The following FCHSD1 variants were observed in gnomAD, a reference collection of about 807,000 sequenced individuals.
FCHSD1 encodes F-BAR and double SH3 domains protein 1.
Under a neutral mutation model 101.3 loss-of-function variants are expected in FCHSD1, and 109 were observed. That is an observed-to-expected ratio of 1.08 (90% CI 0.92 to 1.26). The LOEUF (loss-of-function observed/expected upper bound fraction) is 1.26, where lower values mean the gene tolerates loss of function less well. Ranked by LOEUF, FCHSD1 falls within the 50% of genes most tolerant of loss-of-function variation. FCHSD1 has a pLI of 0.00. For synonymous variants in FCHSD1, 291 were observed against 356.8 expected, an observed-to-expected ratio of 0.82 and a Z score of 2.08; for missense variants, 820 against 895.8, an observed-to-expected ratio of 0.92 and a Z score of 1.08.
At chr5:141,646,368 A>C in intron 11 of FCHSD1, 177 bp from the exon 12 acceptor site, 1 of 911,594 alleles carries the variant, frequency 1.1e-6, no homozygotes, top group Non-Finnish European at 1.7e-6. Flanking sequence ...AGAGAGGTTA[A>C]GTCACTCCCT....
Position 141,649,654 on chromosome 5 carries a change from G to A in FCHSD1, c.234-118C>T. 7.3e-7 allele frequency: 1 copy of A among 1,373,668 alleles called. No homozygotes were observed. Among genetic ancestry groups the A allele is most frequent in the Non-Finnish European group, 9.7e-7 (1 of 1,029,572 alleles). 85.1% of individuals were successfully genotyped at this position (1,373,668 alleles called of 1,614,324 possible). ...ACAGAGTGCTTTCCCATCCTCCCTT[G>A]TCTGGGAGCCCATCAATCGATCAGC... On this transcript the variant is annotated intron_variant, in intron 4 of 19. Coordinates refer to ENST00000435817, the MANE Select transcript of FCHSD1 (RefSeq NM_033449.3). This position sits in a 1 kb window ranked among gnomAD's most constrained non-coding sequence, Gnocchi z 4.1.
At chr5:141,650,320 G>T (rs776746563) in intron 3 of FCHSD1, 39 bp downstream of exon 3, 3 of 1,612,462 alleles carry the variant, frequency 1.9e-6, no homozygotes, top group South Asian at 1.1e-5. Context: ...TATAAGAGAG[G>T]CTGGAACAAG....
chr5:141,639,724 G>C lies in FCHSD1; in HGVS notation c.*1774C>G, dbSNP rs755843926. ...ATCAGGCACCTGATCCCAAAAGTGG[G>C]CCTTGGCTCTTTCCTCCTGGACTGG... On this transcript the variant is annotated 3_prime_UTR_variant, in exon 20 of 20. Transcript: ENST00000435817. This position sits in a 1 kb window ranked among gnomAD's most constrained non-coding sequence, Gnocchi z 4.4. 1 of 1,450,658 alleles carries C rather than the reference G, an allele frequency of 6.9e-7. No homozygotes were observed. The highest frequency in any genetic ancestry group is 9.4e-7 in the Non-Finnish European group (1 of 1,065,078). The allele number at this position is 1,450,658 out of a possible 1,614,324, so 89.9% of individuals were successfully genotyped here.
In FCHSD1 at chr5:141,646,630, GTCACGGGCAGC is replaced by G; in HGVS notation, c.1006_1016del (p.Ala336LeufsTer78). The G allele has an allele frequency of 6.2e-7, 1 of 1,613,206 alleles. No individual in the cohort carries two copies. The highest frequency in any genetic ancestry group is 8.5e-7 in the Non-Finnish European group (1 of 1,179,676). ...GATGCCCATGGTTCTGGATCTTGTA[GTCACGGGCAGC>G]TCGGCTGGTCAAGCGCTGAACCTCT... On this transcript the variant is annotated frameshift_variant, in exon 11 of 20. Transcript: ENST00000435817. LOFTEE classifies it high-confidence loss of function.
Position 141,640,598 on chromosome 5 carries a change from C to G in FCHSD1, c.*900G>C. 6.5e-7 allele frequency: 1 copy of G among 1,544,064 alleles called. No homozygotes were observed. The highest frequency in any genetic ancestry group is 1.2e-5 in the South Asian group (1 of 83,884). On this transcript the variant is annotated 3_prime_UTR_variant, in exon 20 of 20. Coordinates refer to ENST00000435817, the MANE Select transcript of FCHSD1 (RefSeq NM_033449.3). Reference sequence around the variant, plus strand: ...GTTTGGTGGTGGAGGTAGGGAAGGTCCTGGAGCCCCAGGGGAAAAGCTGGA... The same window carrying G: ...GTTTGGTGGTGGAGGTAGGGAAGGTGCTGGAGCCCCAGGGGAAAAGCTGGA...
rs1310422583 is a variant in FCHSD1, at chr5:141,649,078, A to G, written c.513-58T>C. The G allele has an allele frequency of 1.9e-6, 3 of 1,613,818 alleles. No homozygotes were observed. Among genetic ancestry groups the G allele is most frequent in the Non-Finnish European group, 1.7e-6 (2 of 1,179,830 alleles). On this transcript the variant is annotated intron_variant, in intron 6 of 19. Transcript: ENST00000435817. This position sits in a 1 kb window ranked among gnomAD's most constrained non-coding sequence, Gnocchi z 4.1. ...CCCAAGTGGGAGAATATGAGATCAG[A>G]GTCAGGCCCAGCTTTGGTGACTTGG...
Position 141,645,830 on chromosome 5 carries a change from C to T in FCHSD1, c.1252G>A (p.Val418Met). The change falls in exon 13 of 20, where the codon GTG becomes ATG. Residue 418 changes from valine to methionine, a missense_variant. Val to Met is a conservative substitution (Grantham distance 21). Transcript: ENST00000435817. ...KPAMTQAQDE[V>M]EQERRLSEAR... The stretch of plus-strand genomic sequence containing the variant: ...TCACTGAGCCGCCGCTCCTGCTCCA[C>T]CTCATCCTGGGCCTGGGTCATGGCT... The T allele has an allele frequency of 6.2e-7, 1 of 1,609,166 alleles. No homozygotes were observed. Among genetic ancestry groups the T allele is most frequent in the Non-Finnish European group, 8.5e-7 (1 of 1,177,796 alleles).
intron 2 of FCHSD1, among the ~76,000 whole-genome samples, chr5:141,650,723 A>G (rs1327923650): frequency 6.6e-5 from 10 of 151,682 alleles, no homozygotes; most frequent in Admixed American, 6.6e-4. Context: ...ACAGGTCTGG[A>G]AGAGGGAGAG....
Position 141,645,336 on chromosome 5 carries a change from A to C in FCHSD1, c.1312-188T>G, listed in dbSNP as rs189224579. Among the ~76,000 whole-genome samples, 23 of 152,326 alleles carry C rather than the reference A, an allele frequency of 1.5e-4. No individual in the cohort carries two copies. In the Middle Eastern group the frequency reaches 0.014, roughly 90 times the overall value. On this transcript the variant is annotated intron_variant, in intron 13 of 19. Coordinates refer to ENST00000435817, the MANE Select transcript of FCHSD1 (RefSeq NM_033449.3). ...TACTAACAGTAATAGAGTTACAGTAATTGAGTGCATACTATGTGCCAGGTA... is the reference window on the plus strand; with the variant it reads ...TACTAACAGTAATAGAGTTACAGTACTTGAGTGCATACTATGTGCCAGGTA...
chr5:141,649,474 G>C lies in FCHSD1; in HGVS notation c.296C>G (p.Thr99Ser). ...GTATCGGTCAGACGCCTGGAGTCGG[G>C]TTTGGCCCCCAGCCACGGTGGCATC... is the stretch of plus-strand genomic sequence containing the variant. ...LLDATVAGGQ[T>S]RLQASDRYRD... is the part of the protein sequence containing the mutation. Residue 99 changes from threonine (T) to serine (S), a missense_variant, in exon 5 of 20, where the codon ACC becomes AGC. Physicochemically the swap from Thr to Ser is moderately conservative, Grantham distance 58. Transcript: ENST00000435817. This position sits in a 1 kb window ranked among gnomAD's most constrained non-coding sequence, Gnocchi z 4.1. The C allele has an allele frequency of 6.2e-7, 1 of 1,613,846 alleles. No homozygotes were observed. The highest frequency in any genetic ancestry group is 8.5e-7 in the Non-Finnish European group (1 of 1,179,884).
chr5:141,645,917 C>T lies in FCHSD1; in HGVS notation c.1165G>A (p.Gly389Arg), dbSNP rs1178011112. Residue 389 changes from glycine (G) to arginine (R), a missense_variant, in exon 13 of 20, where the codon GGG becomes AGG. Coordinates refer to ENST00000435817, the MANE Select transcript of FCHSD1 (RefSeq NM_033449.3). ...IRRAQVSQVKGAARLALLQGA... is the reference protein window; with the variant it reads ...IRRAQVSQVKRAARLALLQGA... ...TGCAGCAGGGCCAGCCGGGCAGCCC[C>T]CTTCACCTGGCTCACCTGCCATGGG... is the stretch of plus-strand genomic sequence containing the variant. 1 of 1,568,732 alleles carries T rather than the reference C, an allele frequency of 6.4e-7. No homozygotes were observed. Among genetic ancestry groups the T allele is most frequent in the South Asian group, 1.2e-5 (1 of 85,970 alleles).
chr5:141,640,801 C>CA lies in FCHSD1; in HGVS notation c.*696dup. ...AGCTCTACTTCCACCTGGAGTTGCA[C>CA]AGTCTCAGGCTGGGGGCCTCAGGAG... is the stretch of plus-strand genomic sequence containing the variant. On this transcript the variant is annotated 3_prime_UTR_variant, in exon 20 of 20. Transcript: ENST00000435817. The CA allele has an allele frequency of 1.2e-6, 1 of 861,402 alleles. No individual in the cohort carries two copies. The highest frequency in any genetic ancestry group is 1.8e-6 in the Non-Finnish European group (1 of 571,200). 53.4% of individuals were successfully genotyped at this position (861,402 alleles called of 1,614,324 possible).
At position 141,641,452 on chromosome 5, in the gene FCHSD1, A is replaced by G; in HGVS notation, c.*46T>C. ...ATTGATGGTGTGGTCTGACAGCTTG[A>G]AGATAGGGACAGCAGCATCACTGGG... On this transcript the variant is annotated 3_prime_UTR_variant, in exon 20 of 20. Transcript: ENST00000435817. The G allele has an allele frequency of 7.0e-7, 1 of 1,421,838 alleles. No homozygotes were observed. The highest frequency in any genetic ancestry group is 9.3e-7 in the Non-Finnish European group (1 of 1,077,442). The allele number at this position is 1,421,838 out of a possible 1,614,324, so 88.1% of individuals were successfully genotyped here.
At position 141,642,376 on chromosome 5, in the gene FCHSD1, G is replaced by A. The variant is rs370612818; in HGVS notation, c.1952-619C>T. On this transcript the variant is annotated intron_variant, in intron 18 of 19. Coordinates refer to ENST00000435817, the MANE Select transcript of FCHSD1 (RefSeq NM_033449.3). ...GGGGCAAAGGTAGGAGTAGAGGCAG[G>A]GGCGAGGGTTGAAAAATTACCTATC... 41 of 688,216 alleles carry A rather than the reference G, an allele frequency of 6.0e-5. 2 individuals carry two copies. Among genetic ancestry groups the A allele is most frequent in the East Asian group, 2.5e-4 (9 of 36,690 alleles). The allele number at this position is 688,216 out of a possible 1,614,324, so 42.6% of individuals were successfully genotyped here. A position where few individuals can be genotyped will look rare whatever the true frequency, so the allele number is the denominator to read the frequency against.
intron 2 of FCHSD1, 24 bp downstream of exon 2, chr5:141,650,996 A>C (rs768468119): frequency 1.1e-5 from 17 of 1,558,712 alleles, no homozygotes; most frequent in Non-Finnish European, 1.5e-5. Context: ...GGTGAGTGTA[A>C]ATGAAGGGGG....
At position 141,648,022 on chromosome 5, in the gene FCHSD1, A is replaced by G. The variant is rs1188205535; in HGVS notation, c.651T>C (p.Ala217=). ...ARNEYLLNLV[A]TNAHLDHYYQ... is the part of the protein sequence containing the mutation. Reference sequence around the variant, plus strand: ...AGTAATGGTCGAGGTGGGCATTGGTAGCCACCAAGTTAAGCAGGTACTCAT... The same window carrying G: ...AGTAATGGTCGAGGTGGGCATTGGTGGCCACCAAGTTAAGCAGGTACTCAT... The change falls in exon 8 of 20, where the codon GCT becomes GCC. Residue 217 remains alanine (A), a synonymous_variant. Coordinates refer to ENST00000435817, the MANE Select transcript of FCHSD1 (RefSeq NM_033449.3). 2.5e-6 allele frequency: 4 copies of G among 1,613,498 alleles called. No individual in the cohort carries two copies. Among genetic ancestry groups the G allele is most frequent in the Non-Finnish European group, 3.4e-6 (4 of 1,179,686 alleles).
Position 141,646,204 on chromosome 5 carries a change from G to T in FCHSD1, c.1045-13C>A. 6.3e-7 allele frequency: 1 copy of T among 1,587,638 alleles called. No homozygotes were observed. On this transcript the variant is annotated splice_polypyrimidine_tract_variant and intron_variant, in intron 11 of 19. Coordinates refer to ENST00000435817, the MANE Select transcript of FCHSD1 (RefSeq NM_033449.3). ...GTCGTTGCAGTACCTGGTTGGGAAG[G>T]CAGAGAACAGGGGTGGGTGGAAATA... is the stretch of plus-strand genomic sequence containing the variant.
intron 18 of FCHSD1, 58 bp from the exon 19 acceptor site, chr5:141,641,815 C>A (rs2099906934): frequency 6.5e-7 from 1 of 1,543,910 alleles, no homozygotes; most frequent in African/African-American, 1.4e-5. Flanking sequence ...TGCTGTATCT[C>A]CAGCACTTAG....
At position 141,644,401 on chromosome 5, in the gene FCHSD1, C is replaced by CT. The variant is rs1293390416; in HGVS notation, c.1679dup (p.Ser561GlufsTer9). The CT allele has an allele frequency of 5.6e-6, 9 of 1,613,818 alleles. No homozygotes were observed. Among genetic ancestry groups the CT allele is most frequent in the African/African-American group, 2.7e-5 (2 of 74,932 alleles). The stretch of plus-strand genomic sequence containing the variant: ...CAGGGAAGCTCAGCTCCTCTGCACT[C>CT]TGTCCGGTGTAGCTGTACAGGGCCT... On this transcript the variant is annotated frameshift_variant, in exon 17 of 20. Transcript: ENST00000435817. LOFTEE classifies it high-confidence loss of function.
Sources: gnomAD v4.1 joint callset for allele counts (sites outside exome capture counted in the v4.1 genomes callset) on GRCh38, gnomAD v4.1.1 for gene constraint, Gnocchi (gnomAD v3.1) non-coding constraint, MANE v1.5 for transcripts, NCBI Gene and HGNC (gene_info 2026-07-23, HGNC 2026-07-21) for gene names.